Variants in GALNTL6 observed in about 807,000 individuals in gnomAD.
GALNTL6 encodes polypeptide N-acetylgalactosaminyltransferase like 6, also known as polypeptide N-acetylgalactosaminyltransferase-like 6.
GALNTL6 carries 46 observed loss-of-function variants against 73.7 expected under a neutral mutation model. That is an observed-to-expected ratio of 0.62 (90% CI 0.49 to 0.80). The LOEUF (loss-of-function observed/expected upper bound fraction) is 0.80. Among genes scored for constraint, GALNTL6 ranks in the 30% least tolerant of loss-of-function variants. The probability of loss-of-function intolerance (pLI) is 0.00; values close to 1 mark genes in which losing one functional copy is unlikely to be tolerated. For synonymous variants in GALNTL6, 259 were observed against 263.7 expected, an observed-to-expected ratio of 0.98 and a Z score of 0.17; for missense variants, 604 against 755.0, an observed-to-expected ratio of 0.80 and a Z score of 2.34.
At chr4:172,057,967 CA>C (rs1337539554) in intron 2 of GALNTL6, among the ~76,000 whole-genome samples, 1 of 151,662 alleles carries the variant, frequency 6.6e-6, no homozygotes, top group African/African-American at 2.4e-5. Flanking sequence ...GCATTAGTAC[CA>C]AACTGACTTC....
chr4:172,058,684 A>G lies in GALNTL6; in HGVS notation c.139-170972A>G, dbSNP rs185507686. Among the ~76,000 whole-genome samples the G allele has an allele frequency of 2.4e-3, 371 of 152,196 alleles. 2 individuals carry two copies. Among genetic ancestry groups the G allele is most frequent in the African/African-American group, 8.7e-3 (360 of 41,538 alleles). On this transcript the variant is annotated intron_variant, in intron 2 of 12. Transcript: ENST00000506823. Reference sequence around the variant, plus strand: ...CTTTTCATATAGTTTGCCACTGTCTATTGCCATTCTGTTTATTTAAAGTCA... The same window carrying G: ...CTTTTCATATAGTTTGCCACTGTCTGTTGCCATTCTGTTTATTTAAAGTCA...
intron 7 of GALNTL6, among the ~76,000 whole-genome samples, chr4:172,838,535 T>C (rs1743032789): frequency 6.6e-6 from 1 of 152,202 alleles, no homozygotes; most frequent in Non-Finnish European, 1.5e-5. Context: ...ACAAATTCCT[T>C]CTCTGTTTAA....
intron 4 of GALNTL6, among the ~76,000 whole-genome samples, chr4:172,326,881 A>G (rs757565135): frequency 6.6e-6 from 1 of 151,944 alleles, no homozygotes; most frequent in African/African-American, 2.4e-5. Flanking sequence ...AAAATATGAA[A>G]TTATATTGAT....
intron 5 of GALNTL6, among the ~76,000 whole-genome samples, chr4:172,550,775 T>C (rs1735927882): frequency 6.6e-6 from 1 of 152,082 alleles, no homozygotes; most frequent in African/African-American, 2.4e-5. Flanking sequence ...TTGCAAATAT[T>C]TTCTCTGAAT....
chr4:172,773,160 G>A (rs1339647649), intron 5 of GALNTL6, among the ~76,000 whole-genome samples: 2 of 152,150 alleles, frequency 1.3e-5, no homozygotes, highest in African/African-American at 4.8e-5. Context: ...GTCAATGGAG[G>A]AGATCGTTTC....
chr4:172,359,775 C>T (rs1030388158), intron 5 of GALNTL6, among the ~76,000 whole-genome samples: 1 of 152,156 alleles, frequency 6.6e-6, no homozygotes, highest in African/African-American at 2.4e-5. Context: ...AATACAGGCA[C>T]CAATCAGCCT....
At chr4:172,984,976 A>C (rs1022303793) in intron 10 of GALNTL6, among the ~76,000 whole-genome samples, 1 of 152,162 alleles carries the variant, frequency 6.6e-6, no homozygotes, top group Non-Finnish European at 1.5e-5. Flanking sequence ...TGTACCCCCC[A>C]AAAATGTTAA....
chr4:172,540,186 G>A (rs935622399), intron 5 of GALNTL6, among the ~76,000 whole-genome samples: 1 of 151,708 alleles, frequency 6.6e-6, no homozygotes, highest in African/African-American at 2.4e-5. Flanking sequence ...GAGTAGCTGG[G>A]ACTACAGGCG....
At chr4:171,986,623 G>A (rs1740098202) in intron 2 of GALNTL6, among the ~76,000 whole-genome samples, 1 of 152,148 alleles carries the variant, frequency 6.6e-6, no homozygotes, top group South Asian at 2.1e-4. Context: ...TAGAGTGGGA[G>A]AGATTAAGCT....
rs186338649 is a variant in GALNTL6 at position 172,621,112 on chromosome 4, A to T, written c.554-188249A>T. On this transcript the variant is annotated intron_variant, in intron 5 of 12. Coordinates refer to ENST00000506823, the MANE Select transcript of GALNTL6 (RefSeq NM_001034845.3). ...AAATATCATTATGAAGGCATAAATTAAGAAGACTTGGGATAGGAGAAATGC... is the reference window on the plus strand; with the variant it reads ...AAATATCATTATGAAGGCATAAATTTAGAAGACTTGGGATAGGAGAAATGC... 6.6e-5 allele frequency among the ~76,000 whole-genome samples: 10 copies of T among 152,338 alleles called. No homozygotes were observed. The East Asian group carries it at 1.9e-3, about 29-fold the overall frequency.
intron 2 of GALNTL6, among the ~76,000 whole-genome samples, chr4:172,044,225 T>A (rs1432690457): frequency 6.6e-6 from 1 of 151,980 alleles, no homozygotes; most frequent in Non-Finnish European, 1.5e-5. Flanking sequence ...TTCCTATTAA[T>A]ACAAAGTCAC....
intron 5 of GALNTL6, among the ~76,000 whole-genome samples, chr4:172,691,722 A>G (rs1332545042): frequency 3.3e-5 from 5 of 152,214 alleles, no homozygotes; most frequent in Non-Finnish European, 1.5e-5. Context: ...GGTGCATCTG[A>G]TACAGAGACC....
chr4:172,259,299 C>T (rs968636594), intron 3 of GALNTL6, among the ~76,000 whole-genome samples: 1 of 151,248 alleles, frequency 6.6e-6, no homozygotes, highest in Non-Finnish European at 1.5e-5. Context: ...TATGGCCATT[C>T]TTGCAGGAGT....
intron 2 of GALNTL6, among the ~76,000 whole-genome samples, chr4:171,922,145 C>T (rs941423079): frequency 2.0e-5 from 3 of 151,662 alleles, no homozygotes; most frequent in South Asian, 2.1e-4. Flanking sequence ...CATATTTATT[C>T]ACACTGGTTT....
At chr4:172,264,351 A>AC (rs1332736458) in intron 3 of GALNTL6, among the ~76,000 whole-genome samples, 1 of 150,534 alleles carries the variant, frequency 6.6e-6, no homozygotes, top group Non-Finnish European at 1.5e-5. Context: ...TTACCCAACC[A>AC]CCCTAACAAT....
intron 3 of GALNTL6, among the ~76,000 whole-genome samples, chr4:172,235,941 A>G (rs1737226705): frequency 6.6e-6 from 1 of 152,194 alleles, no homozygotes; most frequent in Admixed American, 6.5e-5. Context: ...TTTGCTTAGG[A>G]TAATGACATC....
chr4:172,446,682 C>T (rs1732031844), intron 5 of GALNTL6, among the ~76,000 whole-genome samples: 1 of 151,998 alleles, frequency 6.6e-6, no homozygotes. Flanking sequence ...ATGATGAAAA[C>T]GATAGAGCTT....
At chr4:172,153,190 C>G (rs562754922) in intron 2 of GALNTL6, among the ~76,000 whole-genome samples, 1 of 152,264 alleles carries the variant, frequency 6.6e-6, no homozygotes, top group East Asian at 1.9e-4. Flanking sequence ...GCTTTGACAT[C>G]TGAAGAGATT....
chr4:172,973,322 C>T (rs1181002253), intron 10 of GALNTL6, among the ~76,000 whole-genome samples: 1 of 152,112 alleles, frequency 6.6e-6, no homozygotes, highest in Non-Finnish European at 1.5e-5. Context: ...AATCAAGAAC[C>T]ATGCCTGAAA....
Sources: gnomAD v4.1 joint callset for allele counts (sites outside exome capture counted in the v4.1 genomes callset) on GRCh38, gnomAD v4.1.1 for gene constraint, MANE v1.5 for transcripts, NCBI Gene and HGNC (gene_info 2026-07-23, HGNC 2026-07-21) for gene names.